Variants in PCDH15 observed in about 807,000 individuals in gnomAD.
The protein encoded by PCDH15 is protocadherin related 15.
In PCDH15, 129 loss-of-function variants were observed where a neutral mutation model predicts 178.5. That is an observed-to-expected ratio of 0.72 (90% CI 0.63 to 0.84). The LOEUF (loss-of-function observed/expected upper bound fraction) is 0.84. PCDH15 is among the 40% of genes least tolerant of loss of function. The pLI, the probability that PCDH15 is intolerant of heterozygous loss-of-function variation, is 0.00. For synonymous variants in PCDH15, 800 were observed against 732.0 expected, an observed-to-expected ratio of 1.09 and a Z score of -1.50; for missense variants, 2,230 against 2,099.9, an observed-to-expected ratio of 1.06 and a Z score of -1.21.
chr10:54,226,543 T>C (rs1405168922), intron 9 of PCDH15, among the ~76,000 whole-genome samples: 1 of 152,052 alleles, frequency 6.6e-6, no homozygotes, highest in African/African-American at 2.4e-5. Flanking sequence ...TAGGTGAGAT[T>C]TGGGTGAGAC....
chr10:55,027,876 A>C (rs1451171541), intron 2 of PCDH15, among the ~76,000 whole-genome samples: 3 of 151,902 alleles, frequency 2.0e-5, no homozygotes, highest in Admixed American at 1.3e-4. Flanking sequence ...TTCATTCAGC[A>C]AATAATTATT....
intron 5 of PCDH15, among the ~76,000 whole-genome samples, chr10:54,366,213 C>G (rs1234240607): frequency 6.6e-6 from 1 of 151,956 alleles, no homozygotes; most frequent in African/African-American, 2.4e-5. Context: ...TTGGAAGCTT[C>G]TTTTATAAAT....
chr10:54,243,949 A>G (rs2055667977), intron 8 of PCDH15, among the ~76,000 whole-genome samples: 1 of 152,224 alleles, frequency 6.6e-6, no homozygotes, highest in African/African-American at 2.4e-5. Context: ...GATTCACTGC[A>G]TATATCAAAG....
chr10:55,577,780 T>G (rs894225006), intron 2 of PCDH15, among the ~76,000 whole-genome samples: 16 of 152,236 alleles, frequency 1.1e-4, no homozygotes, highest in Non-Finnish European at 1.8e-4. Flanking sequence ...ACAGCATTCT[T>G]AAATGTGAAT....
chr10:55,499,981 G>T (rs1840619761), intron 2 of PCDH15, among the ~76,000 whole-genome samples: 1 of 151,628 alleles, frequency 6.6e-6, no homozygotes, highest in African/African-American at 2.4e-5. Context: ...TGAGATACTT[G>T]CTTTCCATCA....
At chr10:55,174,633 C>CGGCAATCT (rs1461564015) in intron 1 of PCDH15, among the ~76,000 whole-genome samples, 3 of 152,124 alleles carry the variant, frequency 2.0e-5, no homozygotes, top group African/African-American at 7.2e-5. Flanking sequence ...AGGCTGCAAA[C>CGGCAATCT]GGCAATCTCA....
intron 5 of PCDH15, among the ~76,000 whole-genome samples, 163 bp downstream of exon 5, chr10:54,368,957 G>A (rs755168614): frequency 5.3e-5 from 8 of 151,410 alleles, no homozygotes; most frequent in Non-Finnish European, 1.2e-4. Flanking sequence ...AAATAACATC[G>A]GAAGTCACAT....
At chr10:54,588,907 G>A (rs544656477) in intron 2 of PCDH15, among the ~76,000 whole-genome samples, 1 of 152,190 alleles carries the variant, frequency 6.6e-6, no homozygotes, top group South Asian at 2.1e-4. Context: ...AGTTGAGAAT[G>A]GCTGCTAGCT....
rs116758234 is a variant in PCDH15, at chr10:55,317,901, T to C, written c.-156+1698A>G. Among the ~76,000 whole-genome samples, 789 of 152,222 alleles carry C rather than the reference T, an allele frequency of 5.2e-3. 11 individuals are homozygous for C. The highest frequency in any genetic ancestry group is 0.018 in the African/African-American group (743 of 41,550). Reference sequence around the variant, plus strand: ...GGAAAGCAAGGTTACATGAATTATGTTTGGGTCTGCTAAAAACTATTCCTT... The same window carrying C: ...GGAAAGCAAGGTTACATGAATTATGCTTGGGTCTGCTAAAAACTATTCCTT... On this transcript the variant is annotated intron_variant, in intron 1 of 5. Coordinates refer to the PCDH15 transcript ENST00000458638.
At chr10:54,300,205 G>A (rs180681300) in intron 8 of PCDH15, among the ~76,000 whole-genome samples, 67 of 152,260 alleles carry the variant, frequency 4.4e-4, no homozygotes, top group Non-Finnish European at 9.0e-4. Context: ...ATGCTGCCAG[G>A]CATTTACAGG....
Position 54,965,469 on chromosome 10 carries a change from C to A in PCDH15, c.-79-67969G>T, listed in dbSNP as rs148147619. ...TCTTTGCTCCTCCTTGACCTTCTGC[C>A]ATGATTGTGAGGCCTCTACAGCCAT... On this transcript the variant is annotated intron_variant, in intron 2 of 5. Coordinates refer to the PCDH15 transcript ENST00000458638. Among the ~76,000 whole-genome samples the A allele has an allele frequency of 2.6e-3, 400 of 152,064 alleles. 2 individuals carry two copies. The highest frequency in any genetic ancestry group is 7.1e-3 in the South Asian group (34 of 4,810).
At chr10:54,422,408 G>A (rs1955651436) in intron 3 of PCDH15, among the ~76,000 whole-genome samples, 1 of 149,690 alleles carries the variant, frequency 6.7e-6, no homozygotes, top group Non-Finnish European at 1.5e-5. Context: ...CATGACACAT[G>A]ATAAGTGGTC....
intron 2 of PCDH15, among the ~76,000 whole-genome samples, chr10:55,424,836 C>T (rs1216111634): frequency 1.3e-5 from 2 of 151,922 alleles, no homozygotes; most frequent in African/African-American, 2.4e-5. Flanking sequence ...ATTCCAATTA[C>T]GTTTTCAAAG....
At position 55,264,290 on chromosome 10, in the gene PCDH15, A is replaced by T. The variant is rs778062391; in HGVS notation, c.-156+55309T>A. 3.6e-4 allele frequency among the ~76,000 whole-genome samples: 55 copies of T among 152,080 alleles called. 1 individual carries two copies. The highest frequency in any genetic ancestry group is 2.9e-3 in the Admixed American group (44 of 15,270). On this transcript the variant is annotated intron_variant, in intron 1 of 5. Coordinates refer to the PCDH15 transcript ENST00000458638. ...CAAAGCCAGGCCACAGGCACAATAT[A>T]AATGGGCAAGACCAATTCTTGCCGA...
chr10:54,679,180 A>T (rs1279031023), intron 1 of PCDH15, among the ~76,000 whole-genome samples: 1 of 127,446 alleles, frequency 7.8e-6, no homozygotes, highest in Non-Finnish European at 1.6e-5. Flanking sequence ...ACACAGCGAG[A>T]CTCCGTCTCA....
At chr10:54,556,367 T>G (rs894339607) in intron 2 of PCDH15, among the ~76,000 whole-genome samples, 2 of 152,190 alleles carry the variant, frequency 1.3e-5, no homozygotes, top group Non-Finnish European at 2.9e-5. Context: ...CTGAAGGACC[T>G]TGAATCTCTC....
intron 2 of PCDH15, among the ~76,000 whole-genome samples, chr10:54,550,038 G>A (rs1291364681): frequency 6.6e-6 from 1 of 151,928 alleles, no homozygotes; most frequent in Non-Finnish European, 1.5e-5. Flanking sequence ...TTAAAATATA[G>A]GATCCAGACC....
intron 1 of PCDH15, among the ~76,000 whole-genome samples, chr10:54,697,515 G>GTATATATATATATATATATATATATA (rs141387823): frequency 2.1e-5 from 3 of 143,056 alleles, no homozygotes; most frequent in African/African-American, 7.9e-5. Flanking sequence ...TGAAATGTGT[G>GTATATATATATATATATATATATATA]TATATATATA....
chr10:55,244,963 C>T (rs1318223078), intron 1 of PCDH15, among the ~76,000 whole-genome samples: 1 of 151,882 alleles, frequency 6.6e-6, no homozygotes, highest in Non-Finnish European at 1.5e-5. Context: ...ATAAATGATA[C>T]AAATATTCTT....
Sources: allele counts gnomAD v4.1 joint callset (sites outside exome capture counted in the v4.1 genomes callset), GRCh38; gene constraint gnomAD v4.1.1; transcripts MANE v1.5; gene names NCBI Gene and HGNC (gene_info 2026-07-23, HGNC 2026-07-21).